Variants in RIN2 observed in about 807,000 individuals in gnomAD.
The protein encoded by RIN2 is RAB5 interacting protein 2.
In RIN2, 36 loss-of-function variants were observed where a neutral mutation model predicts 78.0. That is an observed-to-expected ratio of 0.46 (90% CI 0.35 to 0.61). RIN2 has a LOEUF of 0.61. RIN2 is among the 20% of genes least tolerant of loss of function. The probability of loss-of-function intolerance (pLI) is 0.00; values close to 1 mark genes in which losing one functional copy is unlikely to be tolerated. For missense variants in RIN2, 1,087 were observed against 1,159.7 expected (o/e 0.94, Z 0.91); for synonymous variants, 466 against 466.8 (o/e 1.00, Z 0.02).
chr20:19,870,683 C>T (rs2037664225), intron 2 of RIN2, among the ~76,000 whole-genome samples: 1 of 152,164 alleles, frequency 6.6e-6, no homozygotes, highest in Non-Finnish European at 1.5e-5. Flanking sequence ...GGTTCCTCAG[C>T]CTTTCTTTGT....
chr20:19,957,636 C>A (rs1235379757), intron 5 of RIN2, among the ~76,000 whole-genome samples: 1 of 152,026 alleles, frequency 6.6e-6, no homozygotes, highest in Non-Finnish European at 1.5e-5. Flanking sequence ...GAGATTGTGC[C>A]ACTGCACTCC....
At chr20:19,929,129 G>A (rs1399727956) in intron 3 of RIN2, among the ~76,000 whole-genome samples, 1 of 152,142 alleles carries the variant, frequency 6.6e-6, no homozygotes, top group South Asian at 2.1e-4. Context: ...AATCACAGGT[G>A]GCTCTGCCAC....
chr20:19,921,779 G>A (rs983681726), intron 3 of RIN2, among the ~76,000 whole-genome samples: 7 of 152,168 alleles, frequency 4.6e-5, no homozygotes, highest in Non-Finnish European at 8.8e-5. Flanking sequence ...GGAGCCTGGA[G>A]GGGAAAGAGA....
chr20:19,901,285 T>A (rs989393370), intron 3 of RIN2, among the ~76,000 whole-genome samples: 1 of 152,162 alleles, frequency 6.6e-6, no homozygotes, highest in Non-Finnish European at 1.5e-5. Flanking sequence ...ACTACTGGTG[T>A]CTTTTTCTGT....
rs6136846 is a variant in RIN2 at position 19,815,360 on chromosome 20, G to T, written c.-37+15613G>T. 1.1e-4 allele frequency among the ~76,000 whole-genome samples: 16 copies of T among 152,268 alleles called. No homozygotes were observed. The East Asian group carries it at 3.1e-3, about 29-fold the overall frequency. ...TCGATAGTAGTCAATAAAAATTAAA[G>T]AAGTTATACATAGGAATCTTTGAAA... On this transcript the variant is annotated intron_variant, in intron 2 of 12. Transcript: ENST00000255006.
rs141862370 is a variant in RIN2 at position 19,833,263 on chromosome 20, T to G, written c.-37+33516T>G. Among the ~76,000 whole-genome samples the G allele has an allele frequency of 6.8e-4, 102 of 148,934 alleles. 1 individual carries two copies. The highest frequency in any genetic ancestry group is 2.4e-3 in the African/African-American group (96 of 39,796). ...AATCATAATAAAACCTATATCTATA[T>G]ATAGATAGATAGATATAGGTTATAT... On this transcript the variant is annotated intron_variant, in intron 2 of 12. Coordinates refer to ENST00000255006, the MANE Select transcript of RIN2 (RefSeq NM_018993.4).
chr20:19,853,129 G>A (rs148700834), intron 2 of RIN2, among the ~76,000 whole-genome samples: 7,507 of 149,204 alleles, frequency 0.05, 314 homozygotes, highest in African/African-American at 0.11. Context: ...GAGAATATGC[G>A]GTGTTTGGTT....
At chr20:19,905,587 C>T (rs1268353488) in intron 3 of RIN2, among the ~76,000 whole-genome samples, 1 of 152,120 alleles carries the variant, frequency 6.6e-6, no homozygotes, top group East Asian at 1.9e-4. Context: ...CTAAGAAAGT[C>T]AAGTTCTATT....
intron 2 of RIN2, among the ~76,000 whole-genome samples, chr20:19,833,244 A>C (rs2036301481): frequency 6.6e-6 from 1 of 152,102 alleles, no homozygotes; most frequent in African/African-American, 2.4e-5. Flanking sequence ...ACAAAATCAT[A>C]ATAAAACCTA....
At chr20:19,866,182 C>T (rs2037500145) in intron 2 of RIN2, among the ~76,000 whole-genome samples, 1 of 150,366 alleles carries the variant, frequency 6.7e-6, no homozygotes, top group East Asian at 2.0e-4. Flanking sequence ...GTGTAGATCC[C>T]TTGCATGTGC....
At chr20:19,996,195 T>TCCGAG (rs1025400337) in intron 11 of RIN2, among the ~76,000 whole-genome samples, 2 of 152,098 alleles carry the variant, frequency 1.3e-5, no homozygotes, top group African/African-American at 4.8e-5. Context: ...ATGCCTTTAA[T>TCCGAG]CCGAGCCACT....
chr20:19,995,957 C>G (rs2042948375), intron 11 of RIN2, among the ~76,000 whole-genome samples: 2 of 152,126 alleles, frequency 1.3e-5, no homozygotes, highest in African/African-American at 4.8e-5. Context: ...CCTGACTTTC[C>G]CCCCACCTCC....
At chr20:19,978,520 G>C (rs2042352485) in intron 9 of RIN2, among the ~76,000 whole-genome samples, 1 of 152,160 alleles carries the variant, frequency 6.6e-6, no homozygotes, top group Non-Finnish European at 1.5e-5. Context: ...GCACTTTCTA[G>C]ACAAGTGCAA....
At chr20:19,823,158 C>A (rs180736580) in intron 2 of RIN2, among the ~76,000 whole-genome samples, 2 of 152,240 alleles carry the variant, frequency 1.3e-5, no homozygotes, top group African/African-American at 4.8e-5. Context: ...GATGGCCCTT[C>A]CCTGGTTTAA....
At chr20:19,980,044 CAAAAAAA>C (rs56268489) in intron 9 of RIN2, among the ~76,000 whole-genome samples, 4 of 72,704 alleles carry the variant, frequency 5.5e-5, no homozygotes, top group Non-Finnish European at 1.0e-4. Context: ...AACTCCATCT[CAAAAAAA>C]AAAAAAAAAA....
chr20:19,800,227 C>T (rs2035197772), intron 2 of RIN2, among the ~76,000 whole-genome samples: 1 of 152,180 alleles, frequency 6.6e-6, no homozygotes, highest in Non-Finnish European at 1.5e-5. Flanking sequence ...TCCTGTTCTC[C>T]ACTTTTTGTA....
intron 1 of RIN2, among the ~76,000 whole-genome samples, chr20:19,776,989 A>G (rs947010631): frequency 6.6e-6 from 1 of 152,200 alleles, no homozygotes; most frequent in Admixed American, 6.5e-5. Context: ...TTGGCTCAGA[A>G]TAAATCTCTT....
chr20:19,856,205 T>C (rs767599616), intron 2 of RIN2, among the ~76,000 whole-genome samples: 5 of 152,194 alleles, frequency 3.3e-5, no homozygotes, highest in Non-Finnish European at 5.9e-5. Context: ...TTCCTTGTAA[T>C]GCGCATGGGA....
chr20:19,858,522 G>A lies in RIN2; in HGVS notation c.-36-31044G>A, dbSNP rs117630241. ...AAATTTTATGAAATCAACCTCTTCC[G>A]TGCTCACAGCCCTGATCTATTGCCT... On this transcript the variant is annotated intron_variant, in intron 2 of 12. Coordinates refer to ENST00000255006, the MANE Select transcript of RIN2 (RefSeq NM_018993.4). Among the ~76,000 whole-genome samples, 402 of 152,234 alleles carry A rather than the reference G, an allele frequency of 2.6e-3. 3 individuals are homozygous for A. Among genetic ancestry groups the A allele is most frequent in the African/African-American group, 9.4e-3 (389 of 41,534 alleles).
Sources: allele counts gnomAD v4.1 joint callset (sites outside exome capture counted in the v4.1 genomes callset), GRCh38; gene constraint gnomAD v4.1.1; transcripts MANE v1.5; gene names NCBI Gene and HGNC (gene_info 2026-07-23, HGNC 2026-07-21).